ITGA3: variants seen among roughly 807,000 people sequenced by gnomAD.
ITGA3 encodes integrin alpha-3.
ITGA3 carries 70 observed loss-of-function variants against 131.1 expected under a neutral mutation model. That is an observed-to-expected ratio of 0.53 (90% CI 0.44 to 0.65). ITGA3 has a LOEUF of 0.65. Ranked by LOEUF, ITGA3 falls within the 30% of genes least tolerant of loss-of-function variation. ITGA3 has a pLI of 0.00. For synonymous variants in ITGA3, 537 were observed against 571.6 expected, an observed-to-expected ratio of 0.94 and a Z score of 0.86; for missense variants, 1,098 against 1,388.6, an observed-to-expected ratio of 0.79 and a Z score of 3.33.
chr17:50,062,758 G>A (rs1368301867), intron 1 of ITGA3, among the ~76,000 whole-genome samples: 1 of 152,262 alleles, frequency 6.6e-6, no homozygotes, highest in Non-Finnish European at 1.5e-5. Context: ...CGTGGCTGTT[G>A]CTTGGCACTT....
At position 50,074,009 on chromosome 17, in the gene ITGA3, A is replaced by G. The variant is rs756416844; in HGVS notation, c.1245+5A>G. On this transcript the variant is annotated splice_donor_5th_base_variant and intron_variant, in intron 8 of 25. Coordinates refer to ENST00000320031, the MANE Select transcript of ITGA3 (RefSeq NM_002204.4). ...CTCCTTAGACAGCCCCAGCAGGTAC[A>G]GAGAGACGGGGATGGGTCTGCTGCC... is the stretch of plus-strand genomic sequence containing the variant. The G allele has an allele frequency of 1.2e-6, 2 of 1,607,940 alleles. No individual in the cohort carries two copies. The highest frequency in any genetic ancestry group is 2.2e-5 in the East Asian group (1 of 44,834).
intron 24 of ITGA3, 123 bp downstream of exon 24, chr17:50,087,992 C>G: frequency 7.4e-7 from 1 of 1,352,040 alleles, no homozygotes; most frequent in Non-Finnish European, 9.9e-7. Flanking sequence ...TCCTCCCTGT[C>G]CTCTCCACCT....
Position 50,064,330 on chromosome 17 carries a change from G to A in ITGA3, c.334+126G>A. ...CTTCTAGTCGCTTCTTGTCCAGCTG[G>A]GAAGAGGGTGCCCTAGAGGAGAGTG... On this transcript the variant is annotated intron_variant, in intron 2 of 25. Coordinates refer to ENST00000320031, the MANE Select transcript of ITGA3 (RefSeq NM_002204.4). This position sits in a 1 kb window ranked among gnomAD's most constrained non-coding sequence, Gnocchi z 4.4. The A allele has an allele frequency of 1.5e-6, 2 of 1,317,814 alleles. No homozygotes were observed. The highest frequency in any genetic ancestry group is 1.4e-5 in the African/African-American group (1 of 69,030). 81.6% of individuals were successfully genotyped at this position (1,317,814 alleles called of 1,614,324 possible).
chr17:50,090,114 A>G lies in ITGA3; in HGVS notation c.*1036A>G, dbSNP rs934348691. On this transcript the variant is annotated 3_prime_UTR_variant, in exon 26 of 26. Coordinates refer to ENST00000320031, the MANE Select transcript of ITGA3 (RefSeq NM_002204.4). ...ACCAGCCAGCCTCAGAAGGCCCCAGAGAGACCCTGCAAGACCACGGAGGGA... is the reference window on the plus strand; with the variant it reads ...ACCAGCCAGCCTCAGAAGGCCCCAGGGAGACCCTGCAAGACCACGGAGGGA... 5.9e-5 allele frequency: 23 copies of G among 387,700 alleles called. No homozygotes were observed. Among genetic ancestry groups the G allele is most frequent in the South Asian group, 3.3e-4 (19 of 56,818 alleles). The allele number at this position is 387,700 out of a possible 1,614,324, so 24.0% of individuals were successfully genotyped here.
rs752776395 is a variant in ITGA3 at position 50,068,247 on chromosome 17, C to T, written c.606C>T (p.Ser202=). 5.6e-5 allele frequency: 90 copies of T among 1,613,798 alleles called. 1 individual carries two copies. Among genetic ancestry groups the T allele is most frequent in the Middle Eastern group, 1.6e-4 (1 of 6,084 alleles). Residue 202 remains serine (S), a synonymous_variant, in exon 4 of 26, where the codon AGC becomes AGT. Coordinates refer to ENST00000320031, the MANE Select transcript of ITGA3 (RefSeq NM_002204.4). ...LETGMCQLGT[S]GGFTQNTVYF... Reference sequence around the variant, plus strand: ...CGGGCATGTGCCAGCTGGGCACCAGCGGTGGCTTCACCCAGAACACTGTGT... The same window carrying T: ...CGGGCATGTGCCAGCTGGGCACCAGTGGTGGCTTCACCCAGAACACTGTGT...
chr17:50,082,247 G>A (rs1011864541), intron 23 of ITGA3, among the ~76,000 whole-genome samples: 10 of 152,034 alleles, frequency 6.6e-5, no homozygotes, highest in East Asian at 3.9e-4. Context: ...ATGCAGTGGC[G>A]TGATCACTGC....
Position 50,087,740 on chromosome 17 carries a change from C to T in ITGA3, c.2920-4C>T. ...AGGGCTGAGTCCTCCTCTCCCCGCTCCAGTTCTCTGTGGACATTGACTCGG... is the reference window on the plus strand; with the variant it reads ...AGGGCTGAGTCCTCCTCTCCCCGCTTCAGTTCTCTGTGGACATTGACTCGG... On this transcript the variant is annotated splice_region_variant and splice_polypyrimidine_tract_variant and intron_variant, in intron 23 of 25. Coordinates refer to ENST00000320031, the MANE Select transcript of ITGA3 (RefSeq NM_002204.4). 1 of 1,612,626 alleles carries T rather than the reference C, an allele frequency of 6.2e-7. No individual in the cohort carries two copies. The highest frequency in any genetic ancestry group is 8.5e-7 in the Non-Finnish European group (1 of 1,179,506).
intron 7 of ITGA3, 67 bp from the exon 8 acceptor site, chr17:50,073,849 G>A: frequency 8.6e-7 from 1 of 1,169,310 alleles, no homozygotes; most frequent in Non-Finnish European, 1.3e-6. Flanking sequence ...ATGGCCTGGA[G>A]CAAAGAGTTA....
chr17:50,074,968 A>G (rs1207987411), intron 10 of ITGA3, among the ~76,000 whole-genome samples: 2 of 152,210 alleles, frequency 1.3e-5, no homozygotes, highest in Non-Finnish European at 2.9e-5. Context: ...GAGAAAATAT[A>G]CAGAAAGTCC....
chr17:50,075,406 C>T, intron 10 of ITGA3, 53 bp from the exon 11 acceptor site: 1 of 1,575,658 alleles, frequency 6.3e-7, no homozygotes, highest in African/African-American at 1.3e-5. Context: ...AGAGCTAGGG[C>T]CTGGACGTGT....
chr17:50,078,178 C>T, intron 17 of ITGA3, 29 bp from the exon 18 acceptor site: 1 of 1,613,246 alleles, frequency 6.2e-7, no homozygotes, highest in South Asian at 1.1e-5. Context: ...TCTTGGATCA[C>T]CTTCCTAACC....
Position 50,077,448 on chromosome 17 carries a change from G to A in ITGA3, c.2139+1G>A. The A allele has an allele frequency of 1.2e-6, 2 of 1,611,760 alleles. No homozygotes were observed. Among genetic ancestry groups the A allele is most frequent in the Non-Finnish European group, 1.7e-6 (2 of 1,177,860 alleles). The stretch of plus-strand genomic sequence containing the variant: ...GAACCCCTTCAAACGGAACCAGAGG[G>A]TGAGCACCGGCCACATCCTCCCAGT... On this transcript the variant is annotated splice_donor_variant, in intron 16 of 25. Coordinates refer to ENST00000320031, the MANE Select transcript of ITGA3 (RefSeq NM_002204.4). LOFTEE classifies it high-confidence loss of function.
rs1909063181 is a variant in ITGA3 at position 50,079,150 on chromosome 17, C to CT, written c.2475_2476insT (p.Asn826Ter). On this transcript the variant is annotated frameshift_variant, in exon 20 of 26. Transcript: ENST00000320031. LOFTEE classifies it high-confidence loss of function. ...GTCTGGAGTGGCCCTACGAAGTCAG[C>CT]AATGGCAAGTGGCTGCTGTATCCCA... is the stretch of plus-strand genomic sequence containing the variant. 1 of 1,613,842 alleles carries CT rather than the reference C, an allele frequency of 6.2e-7. No individual in the cohort carries two copies. Among genetic ancestry groups the CT allele is most frequent in the Non-Finnish European group, 8.5e-7 (1 of 1,179,964 alleles).
intron 1 of ITGA3, among the ~76,000 whole-genome samples, chr17:50,057,613 G>A (rs562525262): frequency 1.3e-5 from 2 of 152,348 alleles, no homozygotes; most frequent in East Asian, 1.9e-4. Context: ...TGTCCAAAGA[G>A]GGACGGTGTT....
At chr17:50,061,816 G>T (rs1441349913) in intron 1 of ITGA3, among the ~76,000 whole-genome samples, 1 of 152,128 alleles carries the variant, frequency 6.6e-6, no homozygotes, top group Non-Finnish European at 1.5e-5. Context: ...GAGGCGGGTG[G>T]ATCACCTGAG....
intron 23 of ITGA3, among the ~76,000 whole-genome samples, chr17:50,085,208 AAAAG>A (rs556578749): frequency 4.2e-4 from 64 of 151,690 alleles, no homozygotes; most frequent in Non-Finnish European, 7.8e-4. Context: ...TTAAAAAAAA[AAAAG>A]AAAGAAAAGG....
chr17:50,074,586 G>A (rs746962362), intron 10 of ITGA3, 52 bp downstream of exon 10: 2 of 1,331,302 alleles, frequency 1.5e-6, no homozygotes, highest in Non-Finnish European at 2.2e-6. Flanking sequence ...GAGGCTAGGA[G>A]GGGCTGCAGC....
At position 50,079,114 on chromosome 17, in the gene ITGA3, C is replaced by T. The variant is rs1462585644; in HGVS notation, c.2439C>T (p.Thr813=). 2 of 1,613,782 alleles carry T rather than the reference C, an allele frequency of 1.2e-6. No individual in the cohort carries two copies. The highest frequency in any genetic ancestry group is 2.2e-5 in the East Asian group (1 of 44,860). Reference sequence around the variant, plus strand: ...GGGAGGGGCTGGTGGGCCTGGGGACCCTGGTCCTAGGTCTGGAGTGGCCCT... The same window carrying T: ...GGGAGGGGCTGGTGGGCCTGGGGACTCTGGTCCTAGGTCTGGAGTGGCCCT... ...PMGEGLVGLG[T]LVLGLEWPYE... is the part of the protein sequence containing the mutation. The change falls in exon 20 of 26, where the codon ACC becomes ACT. Residue 813 remains threonine, a synonymous_variant. Transcript: ENST00000320031.
chr17:50,079,751 T>C (rs1326727572), intron 21 of ITGA3, among the ~76,000 whole-genome samples, 194 bp downstream of exon 21: 1 of 152,184 alleles, frequency 6.6e-6, no homozygotes, highest in African/African-American at 2.4e-5. Context: ...GGGGGAGGAT[T>C]GAAGACAAGG....
Sources: gnomAD v4.1 joint callset for allele counts (sites outside exome capture counted in the v4.1 genomes callset) on GRCh38, gnomAD v4.1.1 for gene constraint, Gnocchi (gnomAD v3.1) non-coding constraint, MANE v1.5 for transcripts, NCBI Gene and HGNC (gene_info 2026-07-23, HGNC 2026-07-21) for gene names.